Variants in SRGAP2C observed in about 807,000 individuals in gnomAD.
SRGAP2C encodes SLIT-ROBO Rho GTPase-activating protein 2C.
SRGAP2C carries 15 observed loss-of-function variants against 25.1 expected under a neutral mutation model. That is an observed-to-expected ratio of 0.60 (90% CI 0.40 to 0.92). The LOEUF is 0.92. SRGAP2C is among the 40% of genes least tolerant of loss of function. The probability of loss-of-function intolerance (pLI) is 0.00; values close to 1 mark genes in which losing one functional copy is unlikely to be tolerated. For missense variants in SRGAP2C, 144 were observed against 264.4 expected (o/e 0.54, Z 3.16); for synonymous variants, 44 against 96.6 (o/e 0.46, Z 3.19).
intron 3 of SRGAP2C, 34 bp from the exon 4 acceptor site, chr1:121,324,444 A>G: frequency 3.1e-6 from 5 of 1,608,144 alleles, no homozygotes; most frequent in South Asian, 1.1e-5. Flanking sequence ...CTGTGTATCA[A>G]CAATGACTTC....
chr1:121,204,720 T>TTA (rs1417136016), intron 2 of SRGAP2C, among the ~76,000 whole-genome samples: 20 of 151,910 alleles, frequency 1.3e-4, no homozygotes, highest in Non-Finnish European at 2.2e-4. Flanking sequence ...CATCTTACTT[T>TTA]TAATTGAATT....
chr1:121,329,735 G>A (rs1422139000), intron 4 of SRGAP2C, among the ~76,000 whole-genome samples: 7 of 151,110 alleles, frequency 4.6e-5, no homozygotes, highest in Admixed American at 4.6e-4. Context: ...TTGTGGTAAT[G>A]TCTGCTGGGA....
chr1:121,348,583 T>C (rs1658812979), intron 4 of SRGAP2C, among the ~76,000 whole-genome samples: 1 of 150,770 alleles, frequency 6.6e-6, no homozygotes, highest in Non-Finnish European at 1.5e-5. Flanking sequence ...ACATCAAGAA[T>C]ATTCTTTTGT....
chr1:121,351,567 G>A (rs3119008), intron 4 of SRGAP2C, among the ~76,000 whole-genome samples: 234 of 141,072 alleles, frequency 1.7e-3, no homozygotes, highest in African/African-American at 6.0e-3. Context: ...CAGAGATCGC[G>A]CCACTGCACT....
intron 2 of SRGAP2C, among the ~76,000 whole-genome samples, chr1:121,270,025 C>T (rs1216857990): frequency 6.7e-6 from 1 of 148,612 alleles, no homozygotes; most frequent in Non-Finnish European, 1.5e-5. Flanking sequence ...ATTTTTTGGT[C>T]TTGGTGCCAT....
chr1:121,354,979 G>C (rs1182847743), intron 4 of SRGAP2C, among the ~76,000 whole-genome samples: 2 of 55,332 alleles, frequency 3.6e-5, no homozygotes, highest in African/African-American at 1.2e-4. Flanking sequence ...GGAGGTTGCA[G>C]TGAGCCGAGA....
chr1:121,192,357 C>T (rs1378959567), intron 2 of SRGAP2C, among the ~76,000 whole-genome samples: 1 of 152,142 alleles, frequency 6.6e-6, no homozygotes, highest in Non-Finnish European at 1.5e-5. Flanking sequence ...ATTGAGGGCT[C>T]CTGTCCCTTG....
chr1:121,365,702 G>T (rs1467130170), intron 5 of SRGAP2C, among the ~76,000 whole-genome samples: 1 of 91,724 alleles, frequency 1.1e-5, no homozygotes, highest in African/African-American at 4.0e-5. Flanking sequence ...AACGTAGCCT[G>T]CATTGCACTA....
intron 7 of SRGAP2C, among the ~76,000 whole-genome samples, chr1:121,375,966 TAGGCAC>T (rs1306719937): frequency 6.6e-6 from 1 of 151,168 alleles, no homozygotes; most frequent in Non-Finnish European, 1.5e-5. Flanking sequence ...AAGCGGTTAA[TAGGCAC>T]ATGTGTTTTG....
chr1:121,201,601 A>C (rs1206694116), intron 2 of SRGAP2C, among the ~76,000 whole-genome samples: 1 of 152,280 alleles, frequency 6.6e-6, no homozygotes, highest in Non-Finnish European at 1.5e-5. Context: ...GCGCGCACGC[A>C]CACAAACACC....
At chr1:121,335,309 C>A (rs1455276979) in intron 4 of SRGAP2C, among the ~76,000 whole-genome samples, 4 of 142,610 alleles carry the variant, frequency 2.8e-5, no homozygotes, top group African/African-American at 1.1e-4. Flanking sequence ...CCACTGCACT[C>A]CAGCCTGGGA....
At chr1:121,371,963 T>C (rs1659502814) in intron 5 of SRGAP2C, among the ~76,000 whole-genome samples, 1 of 151,950 alleles carries the variant, frequency 6.6e-6, no homozygotes, top group Non-Finnish European at 1.5e-5. Context: ...GATGCCTCTT[T>C]TCCACTTCTT....
In SRGAP2C at chr1:121,390,722, AC is replaced by A. The variant is rs1242646716; in HGVS notation, c.*2870del. The stretch of plus-strand genomic sequence containing the variant: ...TGAAGCGATTTTTAAAAATTACCTA[AC>A]CCAACCTTCTCATTTGAAAAATTAA... On this transcript the variant is annotated 3_prime_UTR_variant, in exon 10 of 10. Coordinates refer to ENST00000367123, the MANE Select transcript of SRGAP2C (RefSeq NM_001329984.2). 1 of 136,094 alleles carries A rather than the reference AC, an allele frequency of 7.3e-6. No individual in the cohort carries two copies. Among genetic ancestry groups the A allele is most frequent in the African/African-American group, 2.8e-5 (1 of 36,218 alleles). 8.4% of individuals were successfully genotyped at this position (136,094 alleles called of 1,614,324 possible). A position where few individuals can be genotyped will look rare whatever the true frequency, so the allele number is the denominator to read the frequency against.
chr1:121,236,326 AT>A (rs776654091), intron 2 of SRGAP2C, among the ~76,000 whole-genome samples: 2 of 151,438 alleles, frequency 1.3e-5, no homozygotes, highest in Non-Finnish European at 2.9e-5. Context: ...TCTCTTGAGA[AT>A]TTTGTGCTCT....
chr1:121,370,635 G>T (rs1166573205), intron 5 of SRGAP2C, among the ~76,000 whole-genome samples: 1 of 151,846 alleles, frequency 6.6e-6, no homozygotes, highest in Non-Finnish European at 1.5e-5. Context: ...TAGTAGAGAC[G>T]GGGTTTCATT....
rs1302469203 is a variant in SRGAP2C, at chr1:121,288,807, G to T, written c.260+3812G>T. ...TGAGCTAAACACAGGGTGCTGATTG[G>T]TGTATTTACAAACCTTGAGCTAGAT... On this transcript the variant is annotated intron_variant, in intron 3 of 9. Transcript: ENST00000367123. Among the ~76,000 whole-genome samples, 4 of 63,892 alleles carry T rather than the reference G, an allele frequency of 6.3e-5. 2 individuals carry two copies. The highest frequency in any genetic ancestry group is 1.2e-4 in the Non-Finnish European group (4 of 32,884). 41.9% of individuals were successfully genotyped at this position (63,892 alleles called of 152,430 possible). A position where few individuals can be genotyped will look rare whatever the true frequency, so the allele number is the denominator to read the frequency against.
chr1:121,213,353 C>G (rs1553324198), intron 2 of SRGAP2C, among the ~76,000 whole-genome samples: 1 of 147,838 alleles, frequency 6.8e-6, no homozygotes, highest in African/African-American at 2.5e-5. Flanking sequence ...GCCTCGTTTC[C>G]TAATTTTAAA....
intron 4 of SRGAP2C, chr1:121,362,694 C>G (rs1297117630): frequency 2.6e-5 from 4 of 151,554 alleles, no homozygotes; most frequent in Admixed American, 6.6e-5. Context: ...CTCATGGTCA[C>G]TTCCTGACCC....
chr1:121,238,737 T>C (rs1441517252), intron 2 of SRGAP2C, among the ~76,000 whole-genome samples: 3 of 150,884 alleles, frequency 2.0e-5, no homozygotes, highest in African/African-American at 7.3e-5. Context: ...CCTCAGCCTG[T>C]TAAGTAGCAG....
Sources: gnomAD v4.1 joint callset for allele counts (sites outside exome capture counted in the v4.1 genomes callset) on GRCh38, gnomAD v4.1.1 for gene constraint, MANE v1.5 for transcripts, NCBI Gene and HGNC (gene_info 2026-07-23, HGNC 2026-07-21) for gene names.